Variants in SESTD1 observed in about 807,000 individuals in gnomAD.
SESTD1 encodes SEC14 and spectrin domain containing 1, also known as SEC14 domain and spectrin repeat-containing protein 1.
Under a neutral mutation model 101.7 loss-of-function variants are expected in SESTD1, and 43 were observed. That is an observed-to-expected ratio of 0.42 (90% CI 0.33 to 0.55). The LOEUF (loss-of-function observed/expected upper bound fraction) is 0.55. Ranked by LOEUF, SESTD1 falls within the 20% of genes least tolerant of loss-of-function variation. SESTD1 has a pLI of 0.07. For missense variants in SESTD1, 647 were observed against 815.1 expected (o/e 0.79, Z 2.51); for synonymous variants, 283 against 286.8 (o/e 0.99, Z 0.13).
intron 2 of SESTD1, among the ~76,000 whole-genome samples, chr2:179,185,582 TTATA>T (rs1170044708): frequency 7.6e-6 from 1 of 131,382 alleles, no homozygotes; most frequent in Non-Finnish European, 1.5e-5. Flanking sequence ...ATATACTATA[TTATA>T]TATTGTATAT....
chr2:179,182,823 T>C (rs2046138852), intron 3 of SESTD1, among the ~76,000 whole-genome samples: 1 of 152,174 alleles, frequency 6.6e-6, no homozygotes, highest in African/African-American at 2.4e-5. Flanking sequence ...ATGATATAGA[T>C]GCTTAGTTAC....
Position 179,109,609 on chromosome 2 carries a change from T to C in SESTD1, c.*290A>G. 1 of 443,172 alleles carries C rather than the reference T, an allele frequency of 2.3e-6. No individual in the cohort carries two copies. The highest frequency in any genetic ancestry group is 4.0e-6 in the Non-Finnish European group (1 of 251,716). The allele number at this position is 443,172 out of a possible 1,614,324, so 27.5% of individuals were successfully genotyped here. ...TATTAGCACCATTCAAAGCTTATTA[T>C]CAGTTGTTTGTCTACAAACTGACAG... On this transcript the variant is annotated 3_prime_UTR_variant, in exon 18 of 18. Coordinates refer to ENST00000428443, the MANE Select transcript of SESTD1 (RefSeq NM_178123.5).
At chr2:179,144,884 G>A (rs1325222850) in intron 8 of SESTD1, among the ~76,000 whole-genome samples, 2 of 151,772 alleles carry the variant, frequency 1.3e-5, no homozygotes, top group Non-Finnish European at 2.9e-5. Context: ...AAAATAAAAA[G>A]CTTTCAAGCT....
chr2:179,214,528 A>G lies in SESTD1; in HGVS notation c.-25-22662T>C, dbSNP rs2046692623. The stretch of plus-strand genomic sequence containing the variant: ...GACCTACAAAGAGACTTAGACTCCC[A>G]CACAATAATGGGAGAATTTAACACC... On this transcript the variant is annotated intron_variant, in intron 1 of 17. Transcript: ENST00000428443. 3.0e-5 allele frequency among the ~76,000 whole-genome samples: 4 copies of G among 134,260 alleles called. 2 individuals are homozygous for G. The highest frequency in any genetic ancestry group is 6.4e-5 in the Non-Finnish European group (4 of 62,638). 88.1% of individuals were successfully genotyped at this position (134,260 alleles called of 152,430 possible). A position where few individuals can be genotyped will look rare whatever the true frequency, so the allele number is the denominator to read the frequency against.
At chr2:179,126,487 C>T (rs534001070) in intron 10 of SESTD1, among the ~76,000 whole-genome samples, 1 of 152,232 alleles carries the variant, frequency 6.6e-6, no homozygotes, top group East Asian at 1.9e-4. Context: ...GCTCAGTTTT[C>T]CAGAGGCTCT....
intron 1 of SESTD1, among the ~76,000 whole-genome samples, chr2:179,220,549 T>C (rs1367489726): frequency 6.6e-6 from 1 of 152,182 alleles, no homozygotes; most frequent in African/African-American, 2.4e-5. Context: ...ACCTGTACAT[T>C]TTCTGCATCT....
chr2:179,230,430 C>A (rs961007538), intron 1 of SESTD1, among the ~76,000 whole-genome samples: 5 of 151,840 alleles, frequency 3.3e-5, no homozygotes, highest in Middle Eastern at 3.2e-3. Flanking sequence ...GCCACTGCAC[C>A]CGGCCTGAAT....
chr2:179,251,349 TC>T (rs2047314544), intron 1 of SESTD1, among the ~76,000 whole-genome samples: 1 of 152,194 alleles, frequency 6.6e-6, no homozygotes, highest in Non-Finnish European at 1.5e-5. Flanking sequence ...ACCCGAAACC[TC>T]TTTTGTACTT....
chr2:179,185,353 T>C (rs1299580998), intron 2 of SESTD1, among the ~76,000 whole-genome samples: 4 of 147,270 alleles, frequency 2.7e-5, no homozygotes, highest in Admixed American at 1.4e-4. Flanking sequence ...TACATTGTAT[T>C]AATATAGTAT....
chr2:179,200,000 C>A (rs148879095), intron 1 of SESTD1, among the ~76,000 whole-genome samples: 1 of 152,036 alleles, frequency 6.6e-6, no homozygotes, highest in Admixed American at 6.6e-5. Context: ...TGTTTGCAGA[C>A]GACATGATTG....
intron 10 of SESTD1, 54 bp downstream of exon 10, chr2:179,132,250 T>C (rs17363323): frequency 0.072 from 108,071 of 1,493,034 alleles, 4,255 homozygotes; most frequent in South Asian, 0.091. Context: ...CATATGCTAC[T>C]AATTACCCAC....
At chr2:179,154,190 C>T (rs1013707370) in intron 5 of SESTD1, among the ~76,000 whole-genome samples, 2 of 150,828 alleles carry the variant, frequency 1.3e-5, no homozygotes, top group Admixed American at 1.3e-4. Flanking sequence ...ATTATTGCAC[C>T]ACTGCACTCC....
chr2:179,185,888 A>G (rs571756700), intron 2 of SESTD1, among the ~76,000 whole-genome samples: 120 of 135,842 alleles, frequency 8.8e-4, no homozygotes, highest in African/African-American at 3.0e-3. Flanking sequence ...AATATAGCAT[A>G]TACAATATAG....
At chr2:179,157,317 A>G (rs764522800) in intron 5 of SESTD1, among the ~76,000 whole-genome samples, 5 of 152,188 alleles carry the variant, frequency 3.3e-5, no homozygotes, top group Non-Finnish European at 7.3e-5. Flanking sequence ...TACAAATTCA[A>G]CACAATCCCC....
At chr2:179,131,667 G>A (rs531702802) in intron 10 of SESTD1, among the ~76,000 whole-genome samples, 2 of 152,164 alleles carry the variant, frequency 1.3e-5, no homozygotes, top group Non-Finnish European at 2.9e-5. Flanking sequence ...CTGTAACAGA[G>A]CAGGAGATTA....
intron 1 of SESTD1, among the ~76,000 whole-genome samples, chr2:179,227,842 A>C (rs892196492): frequency 6.6e-6 from 1 of 152,132 alleles, no homozygotes; most frequent in Admixed American, 6.5e-5. Flanking sequence ...ACTGGGATCA[A>C]ATGTGAACTC....
intron 1 of SESTD1, among the ~76,000 whole-genome samples, chr2:179,248,041 A>G (rs2047259613): frequency 6.6e-6 from 1 of 151,740 alleles, no homozygotes; most frequent in East Asian, 1.9e-4. Flanking sequence ...AAATAAACCC[A>G]AAGCAAGCAG....
intron 10 of SESTD1, among the ~76,000 whole-genome samples, chr2:179,129,432 A>G (rs1166607823): frequency 5.3e-5 from 8 of 152,158 alleles, no homozygotes; most frequent in Non-Finnish European, 8.8e-5. Flanking sequence ...CTAATTACCA[A>G]TCCTTGAACT....
chr2:179,144,890 A>C (rs1044621200), intron 8 of SESTD1, among the ~76,000 whole-genome samples: 4 of 151,972 alleles, frequency 2.6e-5, no homozygotes, highest in African/African-American at 9.6e-5. Context: ...AAAAGCTTTC[A>C]AGCTGCTAAA....
Sources: gnomAD v4.1 joint callset for allele counts (sites outside exome capture counted in the v4.1 genomes callset) on GRCh38, gnomAD v4.1.1 for gene constraint, MANE v1.5 for transcripts, NCBI Gene and HGNC (gene_info 2026-07-23, HGNC 2026-07-21) for gene names.